Variants in ENAH observed in about 807,000 individuals in gnomAD.
ENAH encodes ENAH actin regulator.
ENAH carries 23 observed loss-of-function variants against 78.7 expected under a neutral mutation model. That is an observed-to-expected ratio of 0.29 (90% CI 0.21 to 0.41). The LOEUF is 0.41. ENAH is among the 10% of genes least tolerant of loss of function. ENAH has a pLI of 1.00. For missense variants in ENAH, 544 were observed against 691.0 expected (o/e 0.79, Z 2.39); for synonymous variants, 226 against 241.0 (o/e 0.94, Z 0.58).
chr1:225,597,655 C>CAAAAAAAAAAAAAA (rs565567062), intron 1 of ENAH, among the ~76,000 whole-genome samples: 1 of 61,180 alleles, frequency 1.6e-5, no homozygotes. Context: ...AAGAGCATCT[C>CAAAAAAAAAAAAAA]AAAAAAAAAA....
intron 1 of ENAH, among the ~76,000 whole-genome samples, chr1:225,638,846 G>T (rs1173685728): frequency 1.3e-5 from 2 of 152,164 alleles, no homozygotes; most frequent in African/African-American, 2.4e-5. Context: ...AACAAAATAG[G>T]TACAAGGGTC....
In ENAH at chr1:225,488,790, A is replaced by T. The variant is rs1475391474; in HGVS notation, c.*8985T>A. ...CCATCTTTTATCATCCCAAACTGCT[A>T]TTTCCATCTCTGACTTTCTGCCAAA... On this transcript the variant is annotated 3_prime_UTR_variant, in exon 14 of 14. Transcript: ENST00000366843. 1 of 152,216 alleles carries T rather than the reference A, an allele frequency of 6.6e-6. No individual in the cohort carries two copies. Among genetic ancestry groups the T allele is most frequent in the African/African-American group, 2.4e-5 (1 of 41,460 alleles). 9.4% of individuals were successfully genotyped at this position (152,216 alleles called of 1,614,324 possible).
intron 3 of ENAH, among the ~76,000 whole-genome samples, chr1:225,552,780 CCA>C (rs1211613860): frequency 1.3e-5 from 2 of 152,084 alleles, no homozygotes; most frequent in African/African-American, 4.8e-5. Flanking sequence ...AGCCTTTTTC[CCA>C]CACTAAAATG....
In ENAH at chr1:225,612,908, C is replaced by T. The variant is rs2096999301; in HGVS notation, c.5+39778G>A. Among the ~76,000 whole-genome samples, 3 of 152,012 alleles carry T rather than the reference C, an allele frequency of 2.0e-5. No homozygotes were observed. In the South Asian group the frequency reaches 6.2e-4, roughly 32 times the overall value. On this transcript the variant is annotated intron_variant, in intron 1 of 13. Transcript: ENST00000366843. Reference sequence around the variant, plus strand: ...GGGAATGGGTAAGTCAACCACGATACATTTACAAAATTAATTGTGTCAACA... The same window carrying T: ...GGGAATGGGTAAGTCAACCACGATATATTTACAAAATTAATTGTGTCAACA...
At chr1:225,600,879 G>A (rs184154650) in intron 1 of ENAH, among the ~76,000 whole-genome samples, 2 of 151,106 alleles carry the variant, frequency 1.3e-5, no homozygotes, top group Non-Finnish European at 3.0e-5. Context: ...AAATAAAAAA[G>A]ACTAAAAAAA....
Position 225,494,912 on chromosome 1 carries a change from C to T in ENAH, c.*2863G>A, listed in dbSNP as rs1386450679. 1 of 152,486 alleles carries T rather than the reference C, an allele frequency of 6.6e-6. No individual in the cohort carries two copies. Among genetic ancestry groups the T allele is most frequent in the Non-Finnish European group, 1.5e-5 (1 of 67,994 alleles). The allele number at this position is 152,486 out of a possible 1,614,324, so 9.4% of individuals were successfully genotyped here. ...AACGAAATAGTTACGGTAAAAATAG[C>T]AGAAAACTGAAAATTCTAAAAAGGA... On this transcript the variant is annotated 3_prime_UTR_variant, in exon 14 of 14. Transcript: ENST00000366843.
intron 1 of ENAH, among the ~76,000 whole-genome samples, chr1:225,613,356 T>A (rs2097002707): frequency 6.6e-6 from 1 of 152,178 alleles, no homozygotes. Context: ...TCTCCTCCAT[T>A]CAGCTACCAG....
Position 225,496,569 on chromosome 1 carries a change from CT to C in ENAH, c.*1205del, listed in dbSNP as rs1226521092. The C allele has an allele frequency of 6.6e-6, 1 of 152,632 alleles. No homozygotes were observed. 9.5% of individuals were successfully genotyped at this position (152,632 alleles called of 1,614,324 possible). A position where few individuals can be genotyped will look rare whatever the true frequency, so the allele number is the denominator to read the frequency against. On this transcript the variant is annotated 3_prime_UTR_variant, in exon 14 of 14. Transcript: ENST00000366843. ...ATAACTGCCAAATTCAGTGATCAAA[CT>C]TTTGAGTTCCACAGTTAAGATATTA...
chr1:225,571,617 C>T (rs1039873176), intron 1 of ENAH, among the ~76,000 whole-genome samples: 5 of 152,168 alleles, frequency 3.3e-5, no homozygotes, highest in Non-Finnish European at 7.3e-5. Context: ...AATATCATGG[C>T]ATGACTGGAA....
chr1:225,567,364 G>T lies in ENAH; in HGVS notation c.56C>A (p.Ala19Asp). 6.2e-7 allele frequency: 1 copy of T among 1,613,894 alleles called. No homozygotes were observed. Among genetic ancestry groups the T allele is most frequent in the Non-Finnish European group, 8.5e-7 (1 of 1,179,946 alleles). ...ARAAVMVYDDANKKWVPAGGS... is the reference protein window; with the variant it reads ...ARAAVMVYDDDNKKWVPAGGS... ...ACCAGCTGGCACCCACTTCTTATTG[G>T]CATCATCATAAACCATCACAGCAGC... is the stretch of plus-strand genomic sequence containing the variant. Residue 19 changes from alanine to aspartate, a missense_variant, in exon 2 of 14, where the codon GCC (alanine) becomes GAC (aspartate). This residue lies in a region of ENAH where 77 missense variants were observed against 151.8 expected (regional missense o/e 0.51). Transcript: ENST00000366843.
chr1:225,531,488 T>C (rs997981022), intron 3 of ENAH, among the ~76,000 whole-genome samples: 1 of 152,100 alleles, frequency 6.6e-6, no homozygotes, highest in Non-Finnish European at 1.5e-5. Flanking sequence ...TAATATATAA[T>C]ACCTAGGGTT....
At chr1:225,554,396 TGACTGATAC>T (rs1184930548) in intron 3 of ENAH, among the ~76,000 whole-genome samples, 2 of 152,322 alleles carry the variant, frequency 1.3e-5, no homozygotes, top group Non-Finnish European at 2.9e-5. Context: ...ATGCAATTCA[TGACTGATAC>T]CACCTGAGGG....
At chr1:225,577,136 C>T (rs1294341173) in intron 1 of ENAH, among the ~76,000 whole-genome samples, 1 of 152,074 alleles carries the variant, frequency 6.6e-6, no homozygotes, top group Non-Finnish European at 1.5e-5. Context: ...TTTTAAAAAA[C>T]TTAAAAATCT....
At chr1:225,518,301 C>T (rs2096437992) in intron 5 of ENAH, among the ~76,000 whole-genome samples, 1 of 151,924 alleles carries the variant, frequency 6.6e-6, no homozygotes, top group African/African-American at 2.4e-5. Flanking sequence ...ATTTAGTCTA[C>T]AAGAAAAAGG....
chr1:225,538,667 T>C (rs1255695727), intron 3 of ENAH, among the ~76,000 whole-genome samples: 2 of 152,090 alleles, frequency 1.3e-5, no homozygotes, highest in Non-Finnish European at 2.9e-5. Flanking sequence ...CCGAATGCAT[T>C]TTATTCCCTT....
Position 225,486,930 on chromosome 1 carries a change from A to C in ENAH, c.*10845T>G, listed in dbSNP as rs2096203522. ...CCAGCAAAGCTGCAAAGTAGGAAAGAAAGCTGAGGGAGAGATTGATCCGAT... is the reference window on the plus strand; with the variant it reads ...CCAGCAAAGCTGCAAAGTAGGAAAGCAAGCTGAGGGAGAGATTGATCCGAT... On this transcript the variant is annotated 3_prime_UTR_variant, in exon 14 of 14. Transcript: ENST00000366843. 6.5e-6 allele frequency: 1 copy of C among 152,700 alleles called. No individual in the cohort carries two copies. The highest frequency in any genetic ancestry group is 2.4e-5 in the African/African-American group (1 of 41,472). The allele number at this position is 152,700 out of a possible 1,614,324, so 9.5% of individuals were successfully genotyped here.
At chr1:225,565,949 A>G (rs186036922) in intron 2 of ENAH, among the ~76,000 whole-genome samples, 3 of 152,334 alleles carry the variant, frequency 2.0e-5, no homozygotes. Context: ...GTCTGTATAA[A>G]TGGATAAATC....
intron 1 of ENAH, among the ~76,000 whole-genome samples, chr1:225,619,527 G>C (rs1019299979): frequency 2.6e-5 from 4 of 152,144 alleles, no homozygotes; most frequent in Non-Finnish European, 5.9e-5. Flanking sequence ...CTGGGCAACA[G>C]AGTAAGACCC....
intron 1 of ENAH, among the ~76,000 whole-genome samples, chr1:225,651,075 AAAG>A (rs933176942): frequency 2.6e-5 from 4 of 152,248 alleles, no homozygotes; most frequent in East Asian, 3.9e-4. Flanking sequence ...ATTTAAAAAA[AAAG>A]AAGTCATGCT....
Sources: gnomAD v4.1 joint callset for allele counts (sites outside exome capture counted in the v4.1 genomes callset) on GRCh38, gnomAD v4.1.1 for gene constraint, gnomAD v4.1.1 regional missense constraint, MANE v1.5 for transcripts, NCBI Gene and HGNC (gene_info 2026-07-23, HGNC 2026-07-21) for gene names.